The following DHRS9 variants were observed in gnomAD, a reference collection of about 807,000 sequenced individuals.
DHRS9 encodes the protein dehydrogenase/reductase 9.
In DHRS9, 18 loss-of-function variants were observed where a neutral mutation model predicts 26.6. The ratio of observed to expected loss-of-function variants is 0.68; its 90% CI spans 0.47 to 1.00. The LOEUF (loss-of-function observed/expected upper bound fraction) is 1.00, where lower values mean the gene tolerates loss of function less well. Among genes scored for constraint, DHRS9 ranks in the 50% least tolerant of loss-of-function variants. The probability of loss-of-function intolerance (pLI) is 0.00; values close to 1 mark genes in which losing one functional copy is unlikely to be tolerated. For missense variants in DHRS9, 425 were observed against 378.7 expected, an observed-to-expected ratio of 1.12 and a Z score of -1.01; for synonymous variants, 134 against 141.1, an observed-to-expected ratio of 0.95 and a Z score of 0.36.
At chr2:169,067,393 C>T, upstream of DHRS9, 2 of 1,384,394 alleles carry the variant, frequency 1.4e-6, no homozygotes, top group Non-Finnish European at 1.9e-6. Context: ...TGAGTTTCCT[C>T]CTTATGTTTT....
chr2:169,079,792 T>C (rs1471684132), intron 1 of DHRS9, among the ~76,000 whole-genome samples: 1 of 147,688 alleles, frequency 6.8e-6, no homozygotes, highest in Admixed American at 6.9e-5. Flanking sequence ...ACCCAGGAGG[T>C]GGAGGTTGCA....
intron 4 of DHRS9, among the ~76,000 whole-genome samples, chr2:169,093,831 T>C (rs1684610661): frequency 6.6e-6 from 1 of 152,024 alleles, no homozygotes; most frequent in Admixed American, 6.6e-5. Context: ...ATAGTAGGAG[T>C]TTAAAATAGC....
intron 1 of DHRS9, among the ~76,000 whole-genome samples, chr2:169,076,666 C>A (rs1468075012): frequency 6.6e-6 from 1 of 152,202 alleles, no homozygotes; most frequent in African/African-American, 2.4e-5. Flanking sequence ...TGGCTTCCAT[C>A]ATCCACAGCT....
intron 2 of DHRS9, 124 bp from the exon 3 acceptor site, chr2:169,083,205 C>A: frequency 7.9e-7 from 1 of 1,271,532 alleles, no homozygotes; most frequent in African/African-American, 1.5e-5. Context: ...CGAAGTATTT[C>A]AGAGTAGGAA....
upstream of DHRS9, chr2:169,067,150 C>G: frequency 6.5e-7 from 1 of 1,535,294 alleles, no homozygotes; most frequent in Non-Finnish European, 8.7e-7. Context: ...CATCATTATG[C>G]CAGAAGGAAG....
chr2:169,070,528 C>T (rs569041304), intron 1 of DHRS9: 48 of 985,396 alleles, frequency 4.9e-5, no homozygotes, highest in Admixed American at 6.1e-5. Flanking sequence ...TAGTATCCCT[C>T]GGCATATATT....
At chr2:169,068,199 A>G (rs1683701613), upstream of DHRS9, among the ~76,000 whole-genome samples, 1 of 152,248 alleles carries the variant, frequency 6.6e-6, no homozygotes, top group African/African-American at 2.4e-5. Context: ...TGTGGCTCTA[A>G]GTCAATGTAT....
intron 1 of DHRS9, among the ~76,000 whole-genome samples, chr2:169,073,602 A>G (rs115111451): frequency 5.9e-4 from 90 of 152,284 alleles, no homozygotes; most frequent in African/African-American, 2.0e-3. Flanking sequence ...AACAGATGGG[A>G]GGTGATTGGA....
intron 4 of DHRS9, among the ~76,000 whole-genome samples, chr2:169,094,815 G>C (rs1279045923): frequency 6.6e-6 from 1 of 151,998 alleles, no homozygotes; most frequent in African/African-American, 2.4e-5. Flanking sequence ...ACCATGTATT[G>C]AAAAGACTGG....
chr2:169,084,165 G>A (rs1411589383), intron 3 of DHRS9, among the ~76,000 whole-genome samples: 2 of 152,054 alleles, frequency 1.3e-5, no homozygotes, highest in Non-Finnish European at 2.9e-5. Flanking sequence ...GCAAATGACA[G>A]GATCTCATTC....
intron 1 of DHRS9, chr2:169,070,768 T>C (rs1683776312): frequency 2.0e-6 from 2 of 985,278 alleles, no homozygotes; most frequent in Non-Finnish European, 2.4e-6. Flanking sequence ...GGACAGTGTT[T>C]AAAAACGCAT....
At chr2:169,077,388 A>C (rs1375205071) in intron 1 of DHRS9, among the ~76,000 whole-genome samples, 1 of 152,206 alleles carries the variant, frequency 6.6e-6, no homozygotes, top group African/African-American at 2.4e-5. Flanking sequence ...AATATTTATA[A>C]GTTTATTTTA....
intron 4 of DHRS9, among the ~76,000 whole-genome samples, chr2:169,094,768 T>C (rs1275740201): frequency 6.6e-6 from 1 of 152,114 alleles, no homozygotes; most frequent in Non-Finnish European, 1.5e-5. Flanking sequence ...AAGATTCAGT[T>C]TCATTCTTCT....
intron 1 of DHRS9, among the ~76,000 whole-genome samples, chr2:169,078,150 C>A (rs1684021122): frequency 1.3e-5 from 2 of 152,216 alleles, no homozygotes; most frequent in South Asian, 4.1e-4. Flanking sequence ...CACTTTGTTG[C>A]TTTGAGCCAG....
chr2:169,091,640 A>G, intron 3 of DHRS9, 150 bp from the exon 4 acceptor site: 2 of 918,992 alleles, frequency 2.2e-6, no homozygotes, highest in South Asian at 3.8e-5. Context: ...CCTCACTTGC[A>G]AAATGAAAGG....
Position 169,083,585 on chromosome 2 carries a change from A to C in DHRS9, c.570A>C (p.Leu190Phe), listed in dbSNP as rs2105293328. Reference protein sequence around the residue: ...KYAVEGFNDSLRRDMKAFGVH... With the variant: ...KYAVEGFNDSFRRDMKAFGVH... ...CAGTGGAAGGTTTCAATGACAGCTT[A>C]AGGTAAATCAAATTAATCAACTTAT... Residue 190 changes from leucine (L) to phenylalanine (F), a missense_variant and splice_region_variant, in exon 3 of 5, where the codon TTA becomes TTC. Transcript: ENST00000674881. 6.2e-7 allele frequency: 1 copy of C among 1,612,796 alleles called. No homozygotes were observed. The highest frequency in any genetic ancestry group is 1.1e-5 in the South Asian group (1 of 91,058).
At chr2:169,095,502 C>T in intron 4 of DHRS9, 42 bp from the exon 5 acceptor site, 1 of 1,535,330 alleles carries the variant, frequency 6.5e-7, no homozygotes. Context: ...ACTCTGCTTT[C>T]CCCTTCTACC....
Position 169,084,492 on chromosome 2 carries a change from T to G in DHRS9, c.572+905T>G, listed in dbSNP as rs111600762. Among the ~76,000 whole-genome samples the G allele has an allele frequency of 3.4e-3, 512 of 152,254 alleles. 3 individuals carry two copies. Among genetic ancestry groups the G allele is most frequent in the African/African-American group, 0.012 (491 of 41,562 alleles). ...AGGATTCCCTTTTCTCACATCATCA[T>G]CAGCATTTGTTATTGCCTGTCTTTT... On this transcript the variant is annotated intron_variant, in intron 3 of 4. Coordinates refer to ENST00000674881, the MANE Select transcript of DHRS9 (RefSeq NM_001376924.1).
At chr2:169,067,285 G>T, upstream of DHRS9, 1 of 1,534,638 alleles carries the variant, frequency 6.5e-7, no homozygotes, top group Non-Finnish European at 8.7e-7. Context: ...CTTTCCTCCA[G>T]TTGAAGCTCA....
Sources: gnomAD v4.1 joint callset for allele counts (sites outside exome capture counted in the v4.1 genomes callset) on GRCh38, gnomAD v4.1.1 for gene constraint, MANE v1.5 for transcripts, NCBI Gene and HGNC (gene_info 2026-07-23, HGNC 2026-07-21) for gene names.